FGF14: variants seen among roughly 807,000 people sequenced by gnomAD.
FGF14 encodes fibroblast growth factor 14.
A neutral mutation model predicts 25.5 loss-of-function variants in FGF14; 5 were observed. The ratio of observed to expected loss-of-function variants is 0.20; its 90% confidence interval spans 0.10 to 0.41. The LOEUF (loss-of-function observed/expected upper bound fraction) is 0.41. Ranked by LOEUF, FGF14 falls within the 10% of genes least tolerant of loss-of-function variation. The probability of loss-of-function intolerance (pLI) is 1.00; values close to 1 mark genes in which losing one functional copy is unlikely to be tolerated. For missense variants in FGF14, 222 were observed against 320.1 expected, an observed-to-expected ratio of 0.69 and a Z score of 2.34; for synonymous variants, 138 against 118.3, an observed-to-expected ratio of 1.17 and a Z score of -1.08.
At chr13:101,742,059 G>A (rs2036591545) in intron 3 of FGF14, among the ~76,000 whole-genome samples, 2 of 152,080 alleles carry the variant, frequency 1.3e-5, no homozygotes, top group African/African-American at 4.8e-5. Flanking sequence ...CCCCCATCAG[G>A]CCCCAGTGTG....
intron 3 of FGF14, among the ~76,000 whole-genome samples, chr13:101,754,321 G>T (rs2037501491): frequency 6.6e-6 from 1 of 152,204 alleles, no homozygotes; most frequent in African/African-American, 2.4e-5. Flanking sequence ...CTTCTTCTTT[G>T]TTGCCAAGAG....
chr13:102,099,806 A>T (rs1024403520), intron 1 of FGF14, among the ~76,000 whole-genome samples: 2 of 152,134 alleles, frequency 1.3e-5, no homozygotes, highest in Admixed American at 6.5e-5. Flanking sequence ...TGTCAGTAAT[A>T]TTAATAAAAT....
At position 102,159,794 on chromosome 13, in the gene FGF14, A is replaced by T. The variant is rs139051652; in HGVS notation, c.208+241677T>A. Among the ~76,000 whole-genome samples the T allele has an allele frequency of 4.1e-3, 622 of 152,238 alleles. 6 individuals carry two copies. The highest frequency in any genetic ancestry group is 0.013 in the African/African-American group (549 of 41,552). On this transcript the variant is annotated intron_variant, in intron 1 of 4. Coordinates refer to the FGF14 transcript ENST00000376131. Reference sequence around the variant, plus strand: ...AGTGATGCTTTATTTCCTCTTTCAAATTTTCTCTGTAAGAAATCTTACAAT... The same window carrying T: ...AGTGATGCTTTATTTCCTCTTTCAATTTTTCTCTGTAAGAAATCTTACAAT...
At chr13:102,304,466 A>T (rs1043583174) in intron 1 of FGF14, among the ~76,000 whole-genome samples, 3 of 152,158 alleles carry the variant, frequency 2.0e-5, no homozygotes, top group African/African-American at 7.2e-5. Context: ...CAAATTTTGC[A>T]GAATCACCAT....
intron 1 of FGF14, among the ~76,000 whole-genome samples, chr13:102,279,860 C>T (rs572320065): frequency 6.6e-6 from 1 of 152,332 alleles, no homozygotes; most frequent in East Asian, 1.9e-4. Flanking sequence ...AAATGCCTGG[C>T]CATCAGTTCT....
At chr13:101,970,514 T>C (rs1352804117) in intron 1 of FGF14, among the ~76,000 whole-genome samples, 7 of 152,148 alleles carry the variant, frequency 4.6e-5, no homozygotes, top group Admixed American at 1.3e-4. Context: ...GCTGAGTACT[T>C]CCAACTAAAG....
chr13:101,893,361 C>A (rs1594632433), intron 1 of FGF14, among the ~76,000 whole-genome samples: 6 of 152,136 alleles, frequency 3.9e-5, no homozygotes, highest in Admixed American at 3.3e-4. Flanking sequence ...ATGGCATTAA[C>A]CATGATGTAT....
chr13:102,298,397 G>A (rs1251410583), intron 1 of FGF14, among the ~76,000 whole-genome samples: 1 of 152,110 alleles, frequency 6.6e-6, no homozygotes, highest in Non-Finnish European at 1.5e-5. Context: ...TTCAAGGCAT[G>A]TGTGTATCAT....
chr13:101,876,609 T>C (rs1198609590), intron 1 of FGF14, among the ~76,000 whole-genome samples: 1 of 152,180 alleles, frequency 6.6e-6, no homozygotes, highest in Non-Finnish European at 1.5e-5. Flanking sequence ...AAAATCCTTT[T>C]GGAAAATAAT....
rs2055527586 is a variant in FGF14 at position 102,308,505 on chromosome 13, T to C, written c.208+92966A>G. Among the ~76,000 whole-genome samples the C allele has an allele frequency of 2.6e-5, 4 of 152,178 alleles. No individual in the cohort carries two copies. The South Asian group carries it at 8.3e-4, about 32-fold the overall frequency. On this transcript the variant is annotated intron_variant, in intron 1 of 4. Coordinates refer to the FGF14 transcript ENST00000376131. ...CACGGCCCTAAAGAAACTTACAGGA[T>C]GTATAAAGGGGGAAGTCTGATCAAC...
chr13:101,988,679 G>A (rs2038726403), intron 1 of FGF14, among the ~76,000 whole-genome samples: 1 of 137,492 alleles, frequency 7.3e-6, no homozygotes, highest in Admixed American at 7.3e-5. Flanking sequence ...ACACAGGAAG[G>A]GGAACATCAC....
chr13:101,997,792 T>G (rs1236367022), intron 1 of FGF14, among the ~76,000 whole-genome samples: 2 of 152,286 alleles, frequency 1.3e-5, no homozygotes, highest in East Asian at 3.9e-4. Flanking sequence ...ATAGAAGAGA[T>G]TACTGTTCGT....
In FGF14 at chr13:102,130,693, C is replaced by T. The variant is rs1040943655; in HGVS notation, c.209-255397G>A. ...CAAGAAAAATAAAGTAAAAAGAGAG[C>T]GTACAAGGGAAAGCCAAATGCCCTA... On this transcript the variant is annotated intron_variant, in intron 1 of 4. Coordinates refer to the FGF14 transcript ENST00000376131. Among the ~76,000 whole-genome samples, 9 of 152,040 alleles carry T rather than the reference C, an allele frequency of 5.9e-5. No homozygotes were observed. The South Asian group carries it at 6.2e-4, about 11-fold the overall frequency.
intron 1 of FGF14, among the ~76,000 whole-genome samples, chr13:102,132,034 G>T (rs547995700): frequency 7.7e-4 from 116 of 151,624 alleles, no homozygotes; most frequent in South Asian, 3.8e-3. Context: ...TTTTGTTTTG[G>T]TTTTTTTTGC....
At chr13:102,264,791 G>A (rs755223329) in intron 1 of FGF14, among the ~76,000 whole-genome samples, 9 of 152,050 alleles carry the variant, frequency 5.9e-5, no homozygotes, top group Non-Finnish European at 1.2e-4. Flanking sequence ...GACACAGCTG[G>A]TACACAGTGA....
chr13:101,870,101 C>T lies in FGF14; in HGVS notation c.305-1273G>A, dbSNP rs61965165. 3.3e-3 allele frequency among the ~76,000 whole-genome samples: 502 copies of T among 152,240 alleles called. 2 individuals are homozygous for T. Among genetic ancestry groups the T allele is most frequent in the Middle Eastern group, 0.014 (4 of 294 alleles). On this transcript the variant is annotated intron_variant, in intron 2 of 4. Transcript: ENST00000376143. ...TTGGATATTAGTTTCACTACGTAAACTAATATCAGATTTTCTGCTATAGGA... is the reference window on the plus strand; with the variant it reads ...TTGGATATTAGTTTCACTACGTAAATTAATATCAGATTTTCTGCTATAGGA...
At chr13:101,989,803 G>A (rs563465209) in intron 1 of FGF14, among the ~76,000 whole-genome samples, 1 of 152,108 alleles carries the variant, frequency 6.6e-6, no homozygotes, top group Non-Finnish European at 1.5e-5. Flanking sequence ...TCTAGTACAG[G>A]ATCTTTTGTA....
At chr13:102,212,136 T>G (rs796088089) in intron 1 of FGF14, among the ~76,000 whole-genome samples, 54 of 152,290 alleles carry the variant, frequency 3.5e-4, no homozygotes, top group African/African-American at 1.2e-3. Context: ...TCTGCCCAAA[T>G]AGGTGATCTT....
At chr13:101,911,583 AAAC>A (rs2032939545) in intron 1 of FGF14, among the ~76,000 whole-genome samples, 1 of 152,170 alleles carries the variant, frequency 6.6e-6, no homozygotes, top group South Asian at 2.1e-4. Context: ...GAAAATGCAT[AAAC>A]AATGAATGCC....
Sources: gnomAD v4.1 joint callset for allele counts (sites outside exome capture counted in the v4.1 genomes callset) on GRCh38, gnomAD v4.1.1 for gene constraint, MANE v1.5 for transcripts, NCBI Gene and HGNC (gene_info 2026-07-23, HGNC 2026-07-21) for gene names.